NRXN1: variants seen among roughly 807,000 people sequenced by gnomAD.
NRXN1 encodes the protein neurexin-1.
NRXN1 carries 39 observed loss-of-function variants against 150.9 expected under a neutral mutation model. That is an observed-to-expected ratio of 0.26 (90% CI 0.20 to 0.34). The LOEUF (loss-of-function observed/expected upper bound fraction) is 0.34, where lower values mean the gene tolerates loss of function less well. NRXN1 is among the 10% of genes least tolerant of loss of function. The pLI is 1.00. For missense variants in NRXN1, 1,815 were observed against 1,949.9 expected (o/e 0.93, Z 1.30); for synonymous variants, 924 against 757.0 (o/e 1.22, Z -3.62).
intron 5 of NRXN1, among the ~76,000 whole-genome samples, chr2:50,834,061 T>A (rs995468241): frequency 1.3e-5 from 2 of 152,176 alleles, no homozygotes; most frequent in African/African-American, 2.4e-5. Flanking sequence ...GTAAAACTAG[T>A]TACCAAACCT....
At chr2:50,705,049 A>AACAC (rs10679163) in intron 5 of NRXN1, among the ~76,000 whole-genome samples, 3,621 of 145,774 alleles carry the variant, frequency 0.025, 73 homozygotes, top group South Asian at 0.11. Context: ...CAGAAACACA[A>AACAC]ACACACACAC....
chr2:50,276,982 G>A (rs1261071112), intron 17 of NRXN1, among the ~76,000 whole-genome samples: 1 of 152,090 alleles, frequency 6.6e-6, no homozygotes, highest in African/African-American at 2.4e-5. Context: ...AAGCATCATG[G>A]ATTTGATATT....
At chr2:50,580,546 C>A (rs1239224869) in intron 8 of NRXN1, among the ~76,000 whole-genome samples, 1 of 152,162 alleles carries the variant, frequency 6.6e-6, no homozygotes, top group Non-Finnish European at 1.5e-5. Context: ...TTATGAGACA[C>A]TTCTGACTCA....
chr2:50,465,938 GA>G (rs377096516), intron 16 of NRXN1, among the ~76,000 whole-genome samples: 47 of 151,874 alleles, frequency 3.1e-4, no homozygotes, highest in African/African-American at 1.1e-3. Flanking sequence ...GACATAATGA[GA>G]AATGGAGATT....
chr2:50,164,480 C>T (rs781151591), intron 18 of NRXN1, among the ~76,000 whole-genome samples: 1 of 152,126 alleles, frequency 6.6e-6, no homozygotes, highest in Non-Finnish European at 1.5e-5. Context: ...ATAGCATAAT[C>T]CTTGATAGTC....
chr2:50,987,524 G>T lies in NRXN1; in HGVS notation c.772+39978C>A, dbSNP rs183908979. Among the ~76,000 whole-genome samples the T allele has an allele frequency of 5.3e-5, 8 of 151,972 alleles. No homozygotes were observed. In the East Asian group the frequency reaches 1.6e-3, roughly 29 times the overall value. ...AAACTTAGAACAAAATAATAAATGG[G>T]TTATTACATCTGTGTGTGTCTAAAG... On this transcript the variant is annotated intron_variant, in intron 2 of 22. Coordinates refer to ENST00000401669, the MANE Select transcript of NRXN1 (RefSeq NM_001330078.2).
At chr2:50,065,534 C>G (rs937373887) in intron 19 of NRXN1, among the ~76,000 whole-genome samples, 4 of 152,288 alleles carry the variant, frequency 2.6e-5, no homozygotes, top group African/African-American at 9.6e-5. Context: ...AATCAGTAAT[C>G]TTCCCTAAAT....
chr2:50,545,345 T>C (rs1338972493), intron 9 of NRXN1, among the ~76,000 whole-genome samples: 1 of 152,202 alleles, frequency 6.6e-6, no homozygotes, highest in African/African-American at 2.4e-5. Context: ...AATAACATTC[T>C]GCAGCAATTG....
At chr2:50,168,663 C>G (rs1022378364) in intron 18 of NRXN1, among the ~76,000 whole-genome samples, 1 of 152,054 alleles carries the variant, frequency 6.6e-6, no homozygotes, top group Non-Finnish European at 1.5e-5. Context: ...GCAGGTTGAC[C>G]GAATAATAGA....
At position 50,497,406 on chromosome 2, in the gene NRXN1, T is replaced by A. The variant is rs1380932566; in HGVS notation, c.2806A>T (p.Thr936Ser). 6.2e-7 allele frequency: 1 copy of A among 1,603,614 alleles called. No homozygotes were observed. Among genetic ancestry groups the A allele is most frequent in the East Asian group, 2.2e-5 (1 of 44,818 alleles). ...TATAGAATTAATCCATCTAGGGATG[T>A]TGTCTTGAACTGGAAAAAAAGATGC... is the stretch of plus-strand genomic sequence containing the variant. ...SMHLFFQFKTTSLDGLILYNS... is the reference protein window; with the variant it reads ...SMHLFFQFKTSSLDGLILYNS... Residue 936 changes from threonine to serine, a missense_variant, in exon 14 of 23, where the codon ACA (threonine) becomes TCA (serine). By Grantham distance (58) the Thr-to-Ser change is moderately conservative. Coordinates refer to ENST00000401669, the MANE Select transcript of NRXN1 (RefSeq NM_001330078.2).
At chr2:50,201,262 T>G (rs572235235) in intron 18 of NRXN1, among the ~76,000 whole-genome samples, 29 of 152,138 alleles carry the variant, frequency 1.9e-4, no homozygotes, top group Non-Finnish European at 4.0e-4. Context: ...TTTTCAACCT[T>G]GGTTGAACGA....
At chr2:50,782,537 C>T (rs981994602) in intron 5 of NRXN1, among the ~76,000 whole-genome samples, 4 of 151,990 alleles carry the variant, frequency 2.6e-5, no homozygotes, top group Admixed American at 6.6e-5. Flanking sequence ...GTAGCACCTG[C>T]GATAACTTCT....
intron 15 of NRXN1, among the ~76,000 whole-genome samples, chr2:50,478,721 C>CCTGCTG (rs1285622979): frequency 2.0e-5 from 3 of 152,152 alleles, no homozygotes; most frequent in Non-Finnish European, 4.4e-5. Context: ...CATCATCTCC[C>CCTGCTG]TTGCTGTGAA....
Position 50,748,281 on chromosome 2 carries a change from C to T in NRXN1, c.833-124666G>A, listed in dbSNP as rs553777457. 1.2e-3 allele frequency among the ~76,000 whole-genome samples: 176 copies of T among 152,250 alleles called. 1 individual carries two copies. In the Middle Eastern group the frequency reaches 0.014, roughly 12 times the overall value. On this transcript the variant is annotated intron_variant, in intron 5 of 22. Transcript: ENST00000401669. ...AACCGTCCCTGGAAATACCATAGGCCTGTTTTAGCACACTGCGCAGCACTG... is the reference window on the plus strand; with the variant it reads ...AACCGTCCCTGGAAATACCATAGGCTTGTTTTAGCACACTGCGCAGCACTG...
rs137993134 is a variant in NRXN1 at position 50,656,044 on chromosome 2, T to C, written c.833-32429A>G. ...CATTACAAATCTGTCAGTTGTACCATCAAAATAAATCTGGAATCTAAGCAC... is the reference window on the plus strand; with the variant it reads ...CATTACAAATCTGTCAGTTGTACCACCAAAATAAATCTGGAATCTAAGCAC... On this transcript the variant is annotated intron_variant, in intron 5 of 22. Coordinates refer to ENST00000401669, the MANE Select transcript of NRXN1 (RefSeq NM_001330078.2). Among the ~76,000 whole-genome samples, 8 of 152,086 alleles carry C rather than the reference T, an allele frequency of 5.3e-5. No homozygotes were observed. In the East Asian group the frequency reaches 1.6e-3, roughly 30 times the overall value.
chr2:50,798,734 G>A (rs887070676), intron 5 of NRXN1, among the ~76,000 whole-genome samples: 27 of 152,164 alleles, frequency 1.8e-4, no homozygotes, highest in Non-Finnish European at 2.1e-4. Flanking sequence ...TGTCTCAAAT[G>A]CTGCAAAATT....
chr2:50,117,831 AG>A (rs1703275218), intron 18 of NRXN1, among the ~76,000 whole-genome samples: 1 of 152,020 alleles, frequency 6.6e-6, no homozygotes, highest in African/African-American at 2.4e-5. Flanking sequence ...AAAATATATA[AG>A]ATAGATTCAC....
At chr2:50,276,793 CCT>C (rs1553365264) in intron 17 of NRXN1, among the ~76,000 whole-genome samples, 13 of 152,114 alleles carry the variant, frequency 8.5e-5, no homozygotes, top group East Asian at 1.9e-4. Flanking sequence ...TAGGAAATCC[CCT>C]GTTTTAATGA....
At chr2:50,341,636 G>A (rs1363372615) in intron 17 of NRXN1, among the ~76,000 whole-genome samples, 1 of 152,172 alleles carries the variant, frequency 6.6e-6, no homozygotes, top group Non-Finnish European at 1.5e-5. Flanking sequence ...TTCATTATTA[G>A]TGTAAATTTA....
Sources: allele counts gnomAD v4.1 joint callset (sites outside exome capture counted in the v4.1 genomes callset), GRCh38; gene constraint gnomAD v4.1.1; transcripts MANE v1.5; gene names NCBI Gene and HGNC (gene_info 2026-07-23, HGNC 2026-07-21).